The following LSAMP variants were observed in gnomAD, a reference collection of about 807,000 sequenced individuals.
The protein encoded by LSAMP is limbic system-associated membrane protein.
Under a neutral mutation model 38.6 loss-of-function variants are expected in LSAMP, and 7 were observed. The ratio of observed to expected loss-of-function variants is 0.18; its 90% CI spans 0.10 to 0.34. The LOEUF (loss-of-function observed/expected upper bound fraction) is 0.34, where lower values mean the gene tolerates loss of function less well. Ranked by LOEUF, LSAMP falls within the 10% of genes least tolerant of loss-of-function variation. The probability of loss-of-function intolerance (pLI) is 1.00; values close to 1 mark genes in which losing one functional copy is unlikely to be tolerated. For synonymous variants in LSAMP, 154 were observed against 166.8 expected, an observed-to-expected ratio of 0.92 and a Z score of 0.59; for missense variants, 313 against 420.0, an observed-to-expected ratio of 0.75 and a Z score of 2.23.
chr3:116,188,113 T>A (rs988464591), intron 1 of LSAMP, among the ~76,000 whole-genome samples: 4 of 152,126 alleles, frequency 2.6e-5, no homozygotes, highest in Admixed American at 6.6e-5. Context: ...CAAAGTTCAT[T>A]GGTGCTCCTT....
chr3:116,097,192 C>A (rs1490545677), intron 1 of LSAMP, among the ~76,000 whole-genome samples: 2 of 139,262 alleles, frequency 1.4e-5, no homozygotes, highest in African/African-American at 3.1e-5. Context: ...ATTACAGATA[C>A]CAAAAGCATT....
At chr3:116,014,081 C>T (rs1940407429) in intron 3 of LSAMP, among the ~76,000 whole-genome samples, 1 of 152,128 alleles carries the variant, frequency 6.6e-6, no homozygotes, top group African/African-American at 2.4e-5. Flanking sequence ...TACAGATGTC[C>T]TGACTTATGG....
At chr3:116,103,464 CAAAA>C (rs59732794) in intron 1 of LSAMP, among the ~76,000 whole-genome samples, 23 of 42,824 alleles carry the variant, frequency 5.4e-4, no homozygotes, top group Non-Finnish European at 9.3e-4. Context: ...GACTCCTTCT[CAAAA>C]AAAAAAAAAA....
chr3:115,882,543 A>G (rs1936348426), intron 3 of LSAMP, among the ~76,000 whole-genome samples: 1 of 152,124 alleles, frequency 6.6e-6, no homozygotes, highest in African/African-American at 2.4e-5. Context: ...CCATTCTCCT[A>G]AAAATTTGCA....
chr3:116,240,950 C>T (rs1050783787), intron 1 of LSAMP, among the ~76,000 whole-genome samples: 13 of 152,156 alleles, frequency 8.5e-5, no homozygotes, highest in Non-Finnish European at 1.6e-4. Flanking sequence ...CCAAGGCTGG[C>T]GGATCACCTG....
At chr3:116,002,223 G>A (rs77431790) in intron 3 of LSAMP, among the ~76,000 whole-genome samples, 1 of 152,104 alleles carries the variant, frequency 6.6e-6, no homozygotes, top group Non-Finnish European at 1.5e-5. Flanking sequence ...CCACTCCACT[G>A]TGTGTGGCTT....
intron 1 of LSAMP, among the ~76,000 whole-genome samples, chr3:116,164,764 T>A (rs368989645): frequency 0.012 from 958 of 81,776 alleles, 43 homozygotes; most frequent in Non-Finnish European, 0.017. Context: ...ATATATATTT[T>A]TTTTTTTTTT....
chr3:116,188,222 G>T (rs1410585583), intron 1 of LSAMP, among the ~76,000 whole-genome samples: 1 of 152,122 alleles, frequency 6.6e-6, no homozygotes, highest in East Asian at 1.9e-4. Flanking sequence ...ATCGTGCTAT[G>T]TATAAGGAAA....
rs1038154264 is a variant in LSAMP, at chr3:115,963,063, G to GT, written c.514+56451dup. On this transcript the variant is annotated intron_variant, in intron 3 of 6. Coordinates refer to ENST00000490035, the MANE Select transcript of LSAMP (RefSeq NM_002338.5). ...TTCAGGTTATTTATATATTTAAATG[G>GT]TTTTTTTTCCTCAATTTTCTTCTTC... Among the ~76,000 whole-genome samples, 6 of 151,968 alleles carry GT rather than the reference G, an allele frequency of 3.9e-5. No homozygotes were observed. The East Asian group carries it at 1.2e-3, about 29-fold the overall frequency.
chr3:116,351,057 G>T (rs1408562748), intron 1 of LSAMP, among the ~76,000 whole-genome samples: 1 of 151,672 alleles, frequency 6.6e-6, no homozygotes, highest in African/African-American at 2.4e-5. Context: ...TAACATCCTC[G>T]GTACTTTTTG....
intron 3 of LSAMP, among the ~76,000 whole-genome samples, chr3:115,958,761 G>A (rs1938533357): frequency 6.6e-6 from 1 of 152,150 alleles, no homozygotes; most frequent in Admixed American, 6.5e-5. Context: ...CTCCAGGCAA[G>A]TAGATGTAAA....
chr3:115,993,292 T>G (rs949996544), intron 3 of LSAMP, among the ~76,000 whole-genome samples: 4 of 152,066 alleles, frequency 2.6e-5, no homozygotes, highest in Non-Finnish European at 5.9e-5. Flanking sequence ...CACATCCTCA[T>G]AACAGTCTTT....
At chr3:116,264,140 A>G (rs1275740966) in intron 1 of LSAMP, among the ~76,000 whole-genome samples, 1 of 152,192 alleles carries the variant, frequency 6.6e-6, no homozygotes, top group Non-Finnish European at 1.5e-5. Flanking sequence ...AGCAGAATCT[A>G]ATTAGGTGTA....
intron 1 of LSAMP, among the ~76,000 whole-genome samples, chr3:116,406,756 A>G (rs1311224749): frequency 6.6e-6 from 1 of 152,064 alleles, no homozygotes; most frequent in Non-Finnish European, 1.5e-5. Flanking sequence ...AAAAACTAAA[A>G]TAAATGGTCA....
At chr3:116,073,046 CA>C (rs563607080) in intron 2 of LSAMP, among the ~76,000 whole-genome samples, 171 of 152,246 alleles carry the variant, frequency 1.1e-3, no homozygotes, top group African/African-American at 3.9e-3. Context: ...GTGGGTTTCA[CA>C]TTTTAGTCTT....
At position 116,002,580 on chromosome 3, in the gene LSAMP, A is replaced by G. The variant is rs919124373; in HGVS notation, c.514+16935T>C. On this transcript the variant is annotated intron_variant, in intron 3 of 6. Transcript: ENST00000490035. ...AAAAATCCCAGTGCACTCAGAGAAT[A>G]AGGGGAAGTCATGATTAAGGTTATG... Among the ~76,000 whole-genome samples, 45 of 152,144 alleles carry G rather than the reference A, an allele frequency of 3.0e-4. 1 individual carries two copies. The highest frequency in any genetic ancestry group is 2.9e-3 in the Admixed American group (44 of 15,258).
intron 1 of LSAMP, among the ~76,000 whole-genome samples, chr3:116,397,189 T>C (rs2048780010): frequency 6.6e-6 from 1 of 152,208 alleles, no homozygotes; most frequent in African/African-American, 2.4e-5. Flanking sequence ...TATAAAGCTC[T>C]ATAGACCTGA....
At chr3:116,028,429 A>G (rs1940843806) in intron 2 of LSAMP, among the ~76,000 whole-genome samples, 1 of 152,164 alleles carries the variant, frequency 6.6e-6, no homozygotes, top group Admixed American at 6.6e-5. Context: ...ATTCTCTGAC[A>G]TTTGCTTTTG....
In LSAMP at chr3:116,414,321, G is replaced by A. The variant is rs117640058; in HGVS notation, c.155+30556C>T. 5.2e-4 allele frequency among the ~76,000 whole-genome samples: 79 copies of A among 152,136 alleles called. 1 individual carries two copies. The East Asian group carries it at 0.015, about 28-fold the overall frequency. On this transcript the variant is annotated intron_variant, in intron 1 of 6. Coordinates refer to ENST00000490035, the MANE Select transcript of LSAMP (RefSeq NM_002338.5). ...CAGGTTTCTCAAAATTCTCTACCCT[G>A]CAGCGCAGTGGATTTCAATAACACA...
Sources: allele counts gnomAD v4.1 joint callset (sites outside exome capture counted in the v4.1 genomes callset), GRCh38; gene constraint gnomAD v4.1.1; transcripts MANE v1.5; gene names NCBI Gene and HGNC (gene_info 2026-07-23, HGNC 2026-07-21).